The following XKR4 variants were observed in gnomAD, a reference collection of about 807,000 sequenced individuals.
XKR4 encodes the protein XK-related protein 4.
A neutral mutation model predicts 53.9 loss-of-function variants in XKR4; 12 were observed. The observed-to-expected ratio is 0.22, with a 90% confidence interval of 0.14 to 0.36. The LOEUF is 0.36. XKR4 is among the 10% of genes least tolerant of loss of function. The pLI is 1.00. For synonymous variants in XKR4, 354 were observed against 362.4 expected, an observed-to-expected ratio of 0.98 and a Z score of 0.26; for missense variants, 799 against 859.5, an observed-to-expected ratio of 0.93 and a Z score of 0.88.
At chr8:55,325,177 C>T (rs575158071) in intron 1 of XKR4, among the ~76,000 whole-genome samples, 11 of 152,090 alleles carry the variant, frequency 7.2e-5, no homozygotes, top group East Asian at 5.8e-4. Context: ...AAATATGAGG[C>T]GTAATTTTAG....
intron 1 of XKR4, among the ~76,000 whole-genome samples, chr8:55,353,523 A>G (rs562006954): frequency 6.6e-6 from 1 of 152,342 alleles, no homozygotes; most frequent in African/African-American, 2.4e-5. Flanking sequence ...TGACACCCTG[A>G]TTTCAGACTT....
intron 1 of XKR4, among the ~76,000 whole-genome samples, chr8:55,354,128 A>C (rs1803765337): frequency 6.6e-6 from 1 of 152,204 alleles, no homozygotes; most frequent in South Asian, 2.1e-4. Flanking sequence ...GACAACATGT[A>C]AGAGCCAATG....
At chr8:55,444,539 G>C (rs1306255520) in intron 2 of XKR4, among the ~76,000 whole-genome samples, 1 of 152,124 alleles carries the variant, frequency 6.6e-6, no homozygotes. Context: ...TGAATGATTT[G>C]GGCATTTCAC....
chr8:55,193,574 C>T (rs1391281999), intron 1 of XKR4, among the ~76,000 whole-genome samples: 1 of 152,214 alleles, frequency 6.6e-6, no homozygotes, highest in African/African-American at 2.4e-5. Flanking sequence ...CGCCTGTGCT[C>T]ACCTTCCTGA....
intron 1 of XKR4, among the ~76,000 whole-genome samples, chr8:55,111,446 T>A (rs1436217834): frequency 6.6e-6 from 1 of 152,164 alleles, no homozygotes; most frequent in Non-Finnish European, 1.5e-5. Flanking sequence ...TCTGTTTATG[T>A]AAGTCCAAGG....
chr8:55,179,077 G>A (rs926674894), intron 1 of XKR4, among the ~76,000 whole-genome samples: 2 of 152,142 alleles, frequency 1.3e-5, no homozygotes, highest in Admixed American at 6.5e-5. Flanking sequence ...AATATGGCAG[G>A]AGGAGCTAGA....
intron 2 of XKR4, among the ~76,000 whole-genome samples, chr8:55,425,777 GC>G (rs1805003554): frequency 1.3e-5 from 2 of 152,070 alleles, no homozygotes; most frequent in Non-Finnish European, 2.9e-5. Context: ...CCTGGTGTGG[GC>G]CTCATACCTC....
chr8:55,262,636 A>C (rs538002095), intron 1 of XKR4, among the ~76,000 whole-genome samples: 1 of 152,320 alleles, frequency 6.6e-6, no homozygotes, highest in South Asian at 2.1e-4. Context: ...CCTCTCCAGG[A>C]ATCAAGTCAA....
intron 2 of XKR4, among the ~76,000 whole-genome samples, chr8:55,414,711 A>AT (rs1313759008): frequency 6.6e-6 from 1 of 151,834 alleles, no homozygotes; most frequent in Non-Finnish European, 1.5e-5. Context: ...CATATACGTT[A>AT]TTTTTCCTGT....
intron 2 of XKR4, among the ~76,000 whole-genome samples, chr8:55,365,563 C>T (rs1304880606): frequency 2.0e-5 from 3 of 151,936 alleles, no homozygotes; most frequent in African/African-American, 4.8e-5. Context: ...AAAAATTAGC[C>T]GGGCATGGTG....
chr8:55,165,108 T>C (rs1342356337), intron 1 of XKR4, among the ~76,000 whole-genome samples: 1 of 152,188 alleles, frequency 6.6e-6, no homozygotes, highest in Non-Finnish European at 1.5e-5. Flanking sequence ...GAAAATTCAG[T>C]ATGCTTGTTC....
In XKR4 at chr8:55,532,946, C is replaced by T. The variant is rs767879955; in HGVS notation, c.*8719C>T. ...ATTTAATCAAATTATTACTTAAGTA[C>T]TACAAATGTTATCAGATGGAGATGT... is the stretch of plus-strand genomic sequence containing the variant. On this transcript the variant is annotated 3_prime_UTR_variant, in exon 3 of 3. Transcript: ENST00000327381. 2.0e-5 allele frequency: 3 copies of T among 151,706 alleles called. No homozygotes were observed. Among genetic ancestry groups the T allele is most frequent in the Non-Finnish European group, 4.4e-5 (3 of 67,988 alleles). The allele number at this position is 151,706 out of a possible 1,614,324, so 9.4% of individuals were successfully genotyped here. A position where few individuals can be genotyped will look rare whatever the true frequency, so the allele number is the denominator to read the frequency against.
intron 1 of XKR4, among the ~76,000 whole-genome samples, chr8:55,118,429 T>C (rs1350079077): frequency 6.6e-6 from 1 of 152,184 alleles, no homozygotes; most frequent in African/African-American, 2.4e-5. Flanking sequence ...AGCTCCTCTG[T>C]CAGTCACATC....
chr8:55,459,632 T>TA (rs899317765), intron 2 of XKR4, among the ~76,000 whole-genome samples: 20 of 151,866 alleles, frequency 1.3e-4, no homozygotes, highest in Admixed American at 6.6e-4. Context: ...GACATTTCAC[T>TA]AAAAAAAACC....
intron 2 of XKR4, among the ~76,000 whole-genome samples, chr8:55,391,627 G>T (rs541451034): frequency 6.6e-6 from 1 of 152,048 alleles, no homozygotes; most frequent in Non-Finnish European, 1.5e-5. Context: ...ATATACAAAA[G>T]AATAGGAAGT....
At chr8:55,200,663 C>T (rs534946358) in intron 1 of XKR4, among the ~76,000 whole-genome samples, 1 of 152,224 alleles carries the variant, frequency 6.6e-6, no homozygotes, top group African/African-American at 2.4e-5. Flanking sequence ...TATGTTGACA[C>T]AGTAGTATGA....
intron 2 of XKR4, among the ~76,000 whole-genome samples, chr8:55,401,930 A>G (rs561500276): frequency 1.3e-3 from 205 of 152,368 alleles, no homozygotes; most frequent in Middle Eastern, 3.4e-3. Flanking sequence ...TTAGCATTAC[A>G]TGTTAACAAA....
At chr8:55,151,727 G>A (rs906570539) in intron 1 of XKR4, among the ~76,000 whole-genome samples, 29 of 152,274 alleles carry the variant, frequency 1.9e-4, no homozygotes, top group African/African-American at 6.7e-4. Context: ...CTATTGAAAT[G>A]CAGAGACAGA....
intron 1 of XKR4, among the ~76,000 whole-genome samples, chr8:55,103,840 C>T (rs1403747645): frequency 8.2e-6 from 1 of 122,000 alleles, no homozygotes; most frequent in East Asian, 2.5e-4. Context: ...TCCTAATAGG[C>T]AAATGACTTT....
Sources: allele counts gnomAD v4.1 joint callset (sites outside exome capture counted in the v4.1 genomes callset), GRCh38; gene constraint gnomAD v4.1.1; transcripts MANE v1.5; gene names NCBI Gene and HGNC (gene_info 2026-07-23, HGNC 2026-07-21).